LARGE1: variants seen among roughly 807,000 people sequenced by gnomAD.
LARGE1 encodes the protein LARGE xylosyl- and glucuronyltransferase 1.
In LARGE1, 43 loss-of-function variants were observed where a neutral mutation model predicts 87.6. That is an observed-to-expected ratio of 0.49 (90% CI 0.38 to 0.63). LARGE1 has a LOEUF of 0.63. Among genes scored for constraint, LARGE1 ranks in the 30% least tolerant of loss-of-function variants. LARGE1 has a pLI of 0.00. For missense variants in LARGE1, 802 were observed against 1,000.2 expected (o/e 0.80, Z 2.67); for synonymous variants, 434 against 394.6 (o/e 1.10, Z -1.18).
intron 11 of LARGE1, among the ~76,000 whole-genome samples, chr22:33,259,013 G>A (rs539661458): frequency 1.9e-3 from 283 of 152,046 alleles, no homozygotes; most frequent in Non-Finnish European, 3.5e-3. Flanking sequence ...GAGTAGCTGG[G>A]ATTATGGGCG....
At chr22:33,640,435 GAGA>G (rs1289845486) in intron 3 of LARGE1, among the ~76,000 whole-genome samples, 1 of 152,212 alleles carries the variant, frequency 6.6e-6, no homozygotes, top group South Asian at 2.1e-4. Context: ...CACAAAGAAA[GAGA>G]AGAAGAACAA....
chr22:33,596,792 A>T (rs1039624468), intron 5 of LARGE1, among the ~76,000 whole-genome samples: 11 of 152,236 alleles, frequency 7.2e-5, no homozygotes, highest in Non-Finnish European at 1.5e-5. Flanking sequence ...AGATTTGTTG[A>T]GTGCCTATTA....
chr22:33,915,797 G>A (rs187779429), intron 1 of LARGE1, among the ~76,000 whole-genome samples: 37 of 152,182 alleles, frequency 2.4e-4, no homozygotes, highest in African/African-American at 5.5e-4. Context: ...CTAACACCGC[G>A]TTTCCCTCTT....
intron 6 of LARGE1, among the ~76,000 whole-genome samples, chr22:33,545,449 C>CACACACACACACAA (rs1173952096): frequency 2.7e-4 from 38 of 138,702 alleles, no homozygotes; most frequent in African/African-American, 9.6e-4. Context: ...CACACACACA[C>CACACACACACACAA]AATTTCTTCT....
intron 3 of LARGE1, among the ~76,000 whole-genome samples, chr22:33,642,237 TAAAGA>T (rs1046973496): frequency 6.6e-6 from 1 of 152,144 alleles, no homozygotes; most frequent in Non-Finnish European, 1.5e-5. Flanking sequence ...TCAACATTCT[TAAAGA>T]AAAGAATTTT....
In LARGE1 at chr22:33,430,869, C is replaced by T. The variant is rs186247933; in HGVS notation, c.892+1292G>A. Among the ~76,000 whole-genome samples, 179 of 152,320 alleles carry T rather than the reference C, an allele frequency of 1.2e-3. 2 individuals carry two copies. The highest frequency in any genetic ancestry group is 4.2e-3 in the African/African-American group (174 of 41,564). The stretch of plus-strand genomic sequence containing the variant: ...GACTTTTCTGGAGTCTGACCATCAG[C>T]TCTCAGAATTTGGGACTCTTTTTGG... On this transcript the variant is annotated intron_variant, in intron 7 of 14. Coordinates refer to ENST00000397394, the MANE Select transcript of LARGE1 (RefSeq NM_133642.5).
intron 9 of LARGE1, among the ~76,000 whole-genome samples, chr22:33,342,608 A>C (rs1244311760): frequency 6.6e-6 from 1 of 152,170 alleles, no homozygotes; most frequent in Non-Finnish European, 1.5e-5. Flanking sequence ...CAGAGAAATG[A>C]GTCTGCCCAA....
At chr22:33,448,527 A>G (rs2067782309) in intron 6 of LARGE1, among the ~76,000 whole-genome samples, 1 of 152,218 alleles carries the variant, frequency 6.6e-6, no homozygotes, top group Non-Finnish European at 1.5e-5. Context: ...CACAGTCTTC[A>G]GAGCTCTGCT....
intron 5 of LARGE1, among the ~76,000 whole-genome samples, chr22:33,572,713 T>C (rs2078241602): frequency 6.6e-6 from 1 of 151,750 alleles, no homozygotes; most frequent in Non-Finnish European, 1.5e-5. Flanking sequence ...CTACTAAAAA[T>C]GCAAAAATTA....
intron 12 of LARGE1, among the ~76,000 whole-genome samples, chr22:33,286,074 A>G (rs996215892): frequency 5.3e-4 from 80 of 152,300 alleles, no homozygotes; most frequent in Middle Eastern, 3.4e-3. Context: ...ATTCCAGAGG[A>G]GGTTCGTAAA....
chr22:33,666,663 G>A (rs537342358), intron 2 of LARGE1, among the ~76,000 whole-genome samples: 1 of 152,188 alleles, frequency 6.6e-6, no homozygotes, highest in South Asian at 2.1e-4. Flanking sequence ...GGAGGAATCA[G>A]AAATCTTTTT....
intron 10 of LARGE1, among the ~76,000 whole-genome samples, chr22:33,331,668 A>G (rs559591312): frequency 4.1e-4 from 62 of 152,054 alleles, no homozygotes; most frequent in Admixed American, 7.9e-4. Flanking sequence ...TCGGCCTCCC[A>G]AAGTGCTGGG....
Position 33,217,698 on chromosome 22 carries a change from C to A in LARGE1, c.1731-50866G>T, listed in dbSNP as rs140434809. Among the ~76,000 whole-genome samples, 285 of 152,168 alleles carry A rather than the reference C, an allele frequency of 1.9e-3. 4 individuals are homozygous for A. In the East Asian group the frequency reaches 0.038, roughly 21 times the overall value. ...ATAGTTTGCAGGAGTATACAGAGGACTTCAACTATATTGATAATATGGTAT... is the reference window on the plus strand; with the variant it reads ...ATAGTTTGCAGGAGTATACAGAGGAATTCAACTATATTGATAATATGGTAT... On this transcript the variant is annotated intron_variant, in intron 11 of 11. Coordinates refer to the LARGE1 transcript ENST00000608642.
chr22:33,507,923 G>A (rs949885426), intron 6 of LARGE1, among the ~76,000 whole-genome samples: 2 of 152,090 alleles, frequency 1.3e-5, no homozygotes, highest in African/African-American at 4.8e-5. Flanking sequence ...ATCACCTTCT[G>A]GAAGAGGGGG....
chr22:33,381,461 C>T (rs1189520167), intron 9 of LARGE1, among the ~76,000 whole-genome samples: 8 of 152,172 alleles, frequency 5.3e-5, no homozygotes, highest in African/African-American at 1.9e-4. Context: ...GACTGACCCA[C>T]CCACACCTGT....
downstream of LARGE1, among the ~76,000 whole-genome samples, chr22:33,268,513 C>T (rs928582100): frequency 5.3e-5 from 8 of 150,980 alleles, no homozygotes; most frequent in South Asian, 2.1e-4. Flanking sequence ...TTGCAAGCTC[C>T]GTCCCCCGGG....
the LARGE1 span, among the ~76,000 whole-genome samples, chr22:33,073,421 G>T: frequency 1.3e-5 from 2 of 152,054 alleles, no homozygotes; most frequent in African/African-American, 4.8e-5. Context: ...CAATCAAAAG[G>T]AATTTTAAAG....
downstream of LARGE1, among the ~76,000 whole-genome samples, chr22:33,159,583 ATT>A (rs768251168): frequency 2.6e-4 from 37 of 143,492 alleles, no homozygotes; most frequent in Admixed American, 4.2e-4. Context: ...ATCAATTTAA[ATT>A]TTTTTTTTTT....
In LARGE1 at chr22:33,166,508, G is replaced by C. The variant is rs576134351; in HGVS notation, c.*255C>G. 15 of 317,394 alleles carry C rather than the reference G, an allele frequency of 4.7e-5. No individual in the cohort carries two copies. In the Admixed American group the frequency reaches 6.4e-4, roughly 14 times the overall value. 19.7% of individuals were successfully genotyped at this position (317,394 alleles called of 1,614,324 possible). A position where few individuals can be genotyped will look rare whatever the true frequency, so the allele number is the denominator to read the frequency against. ...TTCACCTGGCATGTACCACTTCAAT[G>C]TTACCACGGGGATGTTCACCTGGCA... On this transcript the variant is annotated 3_prime_UTR_variant, in exon 12 of 12. Transcript: ENST00000608642.
Sources: gnomAD v4.1 joint callset for allele counts (sites outside exome capture counted in the v4.1 genomes callset) on GRCh38, gnomAD v4.1.1 for gene constraint, MANE v1.5 for transcripts, NCBI Gene and HGNC (gene_info 2026-07-23, HGNC 2026-07-21) for gene names.